Variants in ABLIM3 observed in about 807,000 individuals in gnomAD.
The protein encoded by ABLIM3 is actin binding LIM protein family member 3, also known as actin-binding LIM protein 3.
In ABLIM3, 61 loss-of-function variants were observed where a neutral mutation model predicts 109.5. The observed-to-expected ratio is 0.56, with a 90% confidence interval of 0.45 to 0.69. The LOEUF is 0.69. Among genes scored for constraint, ABLIM3 ranks in the 30% least tolerant of loss-of-function variants. The pLI is 0.00. For missense variants in ABLIM3, 796 were observed against 889.5 expected (o/e 0.89, Z 1.34); for synonymous variants, 300 against 324.8 (o/e 0.92, Z 0.82).
At chr5:149,221,522 G>A (rs570183014) in intron 8 of ABLIM3, among the ~76,000 whole-genome samples, 34 of 152,248 alleles carry the variant, frequency 2.2e-4, no homozygotes, top group African/African-American at 7.2e-4. Flanking sequence ...GAAGTCTGAC[G>A]TCTGTCTGGA....
At position 149,259,446 on chromosome 5, in the gene ABLIM3, G is replaced by C. The variant is rs1041675033; in HGVS notation, c.*1042G>C. ...GAAAATAGGCCGTGTCTCAAAGAAA[G>C]GTTCTTGGTCTATGCCTCTGGTCTG... On this transcript the variant is annotated 3_prime_UTR_variant, in exon 24 of 24. Transcript: ENST00000309868. 7.9e-6 allele frequency: 12 copies of C among 1,527,142 alleles called. No homozygotes were observed. The highest frequency in any genetic ancestry group is 2.0e-5 in the Admixed American group (1 of 50,306). 94.6% of individuals were successfully genotyped at this position (1,527,142 alleles called of 1,614,324 possible).
intron 18 of ABLIM3, 143 bp downstream of exon 18, chr5:149,248,072 G>A: frequency 9.3e-7 from 1 of 1,078,012 alleles, no homozygotes; most frequent in Non-Finnish European, 1.3e-6. Flanking sequence ...CAGCCCTGTG[G>A]TGGGTGACTT....
intron 5 of ABLIM3, among the ~76,000 whole-genome samples, chr5:149,202,525 C>T (rs140141200): frequency 8.3e-4 from 127 of 152,256 alleles, no homozygotes; most frequent in Middle Eastern, 3.4e-3. Flanking sequence ...GTTGGAAGGT[C>T]TTCTAAGCTC....
chr5:149,143,058 G>A (rs985573181), intron 2 of ABLIM3, among the ~76,000 whole-genome samples: 1 of 152,038 alleles, frequency 6.6e-6, no homozygotes, highest in Non-Finnish European at 1.5e-5. Flanking sequence ...TGATGAGAGG[G>A]GTTGAATTAG....
intron 2 of ABLIM3, among the ~76,000 whole-genome samples, chr5:149,167,772 G>C (rs1005105312): frequency 6.6e-6 from 1 of 152,092 alleles, no homozygotes; most frequent in African/African-American, 2.4e-5. Context: ...CACAACTAAT[G>C]ATACAAACAC....
chr5:149,156,525 T>C (rs1581000941), intron 2 of ABLIM3, among the ~76,000 whole-genome samples: 1 of 152,274 alleles, frequency 6.6e-6, no homozygotes, highest in Non-Finnish European at 1.5e-5. Flanking sequence ...GCTATTGTTA[T>C]GATGTAGTCA....
At chr5:149,161,599 G>A (rs1434557867) in intron 2 of ABLIM3, among the ~76,000 whole-genome samples, 4 of 152,148 alleles carry the variant, frequency 2.6e-5, no homozygotes, top group Admixed American at 2.0e-4. Flanking sequence ...TGCCTCTTTG[G>A]TTAGAAGAGG....
At chr5:149,194,087 G>A (rs1209551149) in intron 3 of ABLIM3, among the ~76,000 whole-genome samples, 2 of 152,094 alleles carry the variant, frequency 1.3e-5, no homozygotes, top group Admixed American at 6.5e-5. Context: ...ATTCAACAAC[G>A]TAAAAACTGA....
intron 2 of ABLIM3, among the ~76,000 whole-genome samples, chr5:149,173,480 A>G (rs923028227): frequency 6.6e-6 from 1 of 152,150 alleles, no homozygotes; most frequent in Non-Finnish European, 1.5e-5. Context: ...GGCCAGCATC[A>G]TAGAGACCCT....
chr5:149,225,958 A>ATGTGTGTG (rs372337062), intron 8 of ABLIM3, among the ~76,000 whole-genome samples: 1 of 98,096 alleles, frequency 1.0e-5, no homozygotes, highest in Non-Finnish European at 1.9e-5. Flanking sequence ...TGTATATAAT[A>ATGTGTGTG]TGTGTGTGTG....
rs75155039 is a variant in ABLIM3, at chr5:149,251,820, G to A, written c.1850-381G>A. On this transcript the variant is annotated intron_variant, in intron 21 of 23. Coordinates refer to ENST00000309868, the MANE Select transcript of ABLIM3 (RefSeq NM_014945.5). ...CCAGTGATGCTTTCACACCAAACTC[G>A]ACCAGCTCCTATGAGCAAGCTCAGG... 7.6e-3 allele frequency among the ~76,000 whole-genome samples: 1,152 copies of A among 152,272 alleles called. 16 individuals carry two copies. The highest frequency in any genetic ancestry group is 0.027 in the African/African-American group (1,107 of 41,546).
At chr5:149,166,995 G>A (rs1035946465) in intron 2 of ABLIM3, among the ~76,000 whole-genome samples, 1 of 152,134 alleles carries the variant, frequency 6.6e-6, no homozygotes, top group African/African-American at 2.4e-5. Flanking sequence ...GTCTATGTGG[G>A]GTGTCCTGAT....
chr5:149,254,691 GCCT>G (rs1754274830), intron 23 of ABLIM3, among the ~76,000 whole-genome samples: 1 of 152,184 alleles, frequency 6.6e-6, no homozygotes, highest in Non-Finnish European at 1.5e-5. Flanking sequence ...TTCAACAAGG[GCCT>G]CCTCCTTTCA....
chr5:149,184,320 C>G (rs1756751054), intron 3 of ABLIM3, among the ~76,000 whole-genome samples: 1 of 152,202 alleles, frequency 6.6e-6, no homozygotes, highest in Non-Finnish European at 1.5e-5. Flanking sequence ...CTCCACAGAG[C>G]AGCCATTCTA....
Position 149,240,720 on chromosome 5 carries a change from G to A in ABLIM3, c.1249G>A (p.Val417Met), listed in dbSNP as rs377370073. The A allele has an allele frequency of 3.7e-6, 6 of 1,614,070 alleles. No homozygotes were observed. The highest frequency in any genetic ancestry group is 1.3e-5 in the African/African-American group (1 of 74,922). Reference protein sequence around the residue: ...RSSPYHSQLDVRSSTPTSYQA... With the variant: ...RSSPYHSQLDMRSSTPTSYQA... ...CTCTCCATACCATAGCCAGTTAGATGTGAGGTCCTCCACTCCAACCTCTTA... is the reference window on the plus strand; with the variant it reads ...CTCTCCATACCATAGCCAGTTAGATATGAGGTCCTCCACTCCAACCTCTTA... The change falls in exon 14 of 24, where the codon GTG becomes ATG. Residue 417 changes from valine to methionine, a missense_variant. Physicochemically the swap from Val to Met is conservative, Grantham distance 21. Coordinates refer to ENST00000309868, the MANE Select transcript of ABLIM3 (RefSeq NM_014945.5).
At chr5:149,190,136 A>G (rs1387834968) in intron 3 of ABLIM3, among the ~76,000 whole-genome samples, 2 of 152,244 alleles carry the variant, frequency 1.3e-5, no homozygotes, top group African/African-American at 2.4e-5. Context: ...TTTCATATGT[A>G]TGAAATGCTC....
chr5:149,214,193 T>C (rs139179470), intron 7 of ABLIM3, among the ~76,000 whole-genome samples: 120 of 152,348 alleles, frequency 7.9e-4, no homozygotes, highest in Non-Finnish European at 8.4e-4. Context: ...TCAAGACTTT[T>C]TGGGCTGCAA....
At position 149,182,657 on chromosome 5, in the gene ABLIM3, A is replaced by G. The variant is rs149691835; in HGVS notation, c.14-795A>G. ...CTTAGCAGTCTCACTTTGGCAGCACATATACTAAAATTGGAGATGGTCTTA... is the reference window on the plus strand; with the variant it reads ...CTTAGCAGTCTCACTTTGGCAGCACGTATACTAAAATTGGAGATGGTCTTA... On this transcript the variant is annotated intron_variant, in intron 2 of 23. Coordinates refer to ENST00000309868, the MANE Select transcript of ABLIM3 (RefSeq NM_014945.5). 1.1e-3 allele frequency among the ~76,000 whole-genome samples: 163 copies of G among 152,362 alleles called. 3 individuals are homozygous for G. The East Asian group carries it at 0.027, about 26-fold the overall frequency.
At chr5:149,185,957 G>A (rs1029689165) in intron 3 of ABLIM3, among the ~76,000 whole-genome samples, 1 of 152,224 alleles carries the variant, frequency 6.6e-6, no homozygotes, top group African/African-American at 2.4e-5. Context: ...GGATCATGGA[G>A]AACAGGAGGC....
Sources: gnomAD v4.1 joint callset for allele counts (sites outside exome capture counted in the v4.1 genomes callset) on GRCh38, gnomAD v4.1.1 for gene constraint, MANE v1.5 for transcripts, NCBI Gene and HGNC (gene_info 2026-07-23, HGNC 2026-07-21) for gene names.